The following TMEM120B variants were observed in gnomAD, a reference collection of about 807,000 sequenced individuals.
TMEM120B encodes transmembrane protein 120B.
A neutral mutation model predicts 55.5 loss-of-function variants in TMEM120B; 31 were observed. That is an observed-to-expected ratio of 0.56 (90% confidence interval 0.42 to 0.75). TMEM120B has a LOEUF of 0.75. Among genes scored for constraint, TMEM120B ranks in the 30% least tolerant of loss-of-function variants. TMEM120B has a pLI of 0.00. For missense variants in TMEM120B, 399 were observed against 425.5 expected, an observed-to-expected ratio of 0.94 and a Z score of 0.55; for synonymous variants, 203 against 176.3, an observed-to-expected ratio of 1.15 and a Z score of -1.20.
intron 6 of TMEM120B, 73 bp downstream of exon 6, chr12:121,761,811 G>A (rs774494218): frequency 4.2e-6 from 5 of 1,203,374 alleles, no homozygotes; most frequent in Non-Finnish European, 6.2e-6. Context: ...CGTCAGATGG[G>A]GGCCGACACC....
At chr12:121,750,715 C>G (rs1873261085) in intron 4 of TMEM120B, among the ~76,000 whole-genome samples, 1 of 143,942 alleles carries the variant, frequency 6.9e-6, no homozygotes, top group Non-Finnish European at 1.5e-5. Flanking sequence ...GCCAACACCC[C>G]ACCCACACCC....
chr12:121,716,716 C>T (rs1185329855), intron 1 of TMEM120B, among the ~76,000 whole-genome samples: 1 of 151,892 alleles, frequency 6.6e-6, no homozygotes, highest in Admixed American at 6.6e-5. Context: ...GCACCCGCCA[C>T]CGTGCCCGGC....
rs1895065720 is a variant in TMEM120B at position 121,734,408 on chromosome 12, A to G, written c.70-9221A>G. Reference sequence around the variant, plus strand: ...TGAGTAGCTGGCATTACAGGCATGAACCACCATGCCTGGCTAATTTTGTAC... The same window carrying G: ...TGAGTAGCTGGCATTACAGGCATGAGCCACCATGCCTGGCTAATTTTGTAC... On this transcript the variant is annotated intron_variant, in intron 1 of 11. Transcript: ENST00000449592. Among the ~76,000 whole-genome samples, 5 of 151,646 alleles carry G rather than the reference A, an allele frequency of 3.3e-5. No individual in the cohort carries two copies. The South Asian group carries it at 1.0e-3, about 32-fold the overall frequency.
chr12:121,730,308 G>T lies in TMEM120B; in HGVS notation c.70-13321G>T, dbSNP rs376118043. 3.0e-4 allele frequency among the ~76,000 whole-genome samples: 45 copies of T among 150,790 alleles called. 1 individual carries two copies. In the South Asian group the frequency reaches 9.2e-3, roughly 31 times the overall value. On this transcript the variant is annotated intron_variant, in intron 1 of 11. Transcript: ENST00000449592. ...CTGATACATGCCATGATACAGGTGA[G>T]CCTGGAGCACATTATGCTAAGTGAT...
rs1874443924 is a variant in TMEM120B, at chr12:121,781,204, G to A, written c.*5482G>A. The A allele has an allele frequency of 6.2e-7, 1 of 1,612,404 alleles. No individual in the cohort carries two copies. Among genetic ancestry groups the A allele is most frequent in the African/African-American group, 1.3e-5 (1 of 74,910 alleles). On this transcript the variant is annotated 3_prime_UTR_variant, in exon 12 of 12. Transcript: ENST00000449592. ...ATAGTCTTCTTGCCCTGAAAGCACA[G>A]AGCAGCGGGGGTCAGGGGACGTCCC...
At chr12:121,749,918 A>C (rs77538769) in intron 3 of TMEM120B, among the ~76,000 whole-genome samples, 13,021 of 151,356 alleles carry the variant, frequency 0.086, 1,037 homozygotes, top group African/African-American at 0.2. Context: ...AAAAAAAAAA[A>C]AACAAAAAAC....
At chr12:121,728,036 C>T (rs929088895) in intron 1 of TMEM120B, among the ~76,000 whole-genome samples, 3 of 151,856 alleles carry the variant, frequency 2.0e-5, no homozygotes, top group Admixed American at 1.3e-4. Context: ...AAGACAGAGT[C>T]TCACTCTGTC....
At chr12:121,723,405 G>A (rs1458145675) in intron 1 of TMEM120B, among the ~76,000 whole-genome samples, 1 of 152,132 alleles carries the variant, frequency 6.6e-6, no homozygotes, top group Non-Finnish European at 1.5e-5. Context: ...TTTAATGGCT[G>A]GAGCTGGCCA....
intron 5 of TMEM120B, among the ~76,000 whole-genome samples, chr12:121,761,205 C>G (rs1260502221): frequency 2.6e-5 from 4 of 152,158 alleles, no homozygotes. Flanking sequence ...TCTCGAACTC[C>G]TGGCCTCAAG....
At chr12:121,771,014 T>C in intron 7 of TMEM120B, 42 bp downstream of exon 7, 1 of 1,604,016 alleles carries the variant, frequency 6.2e-7, no homozygotes. Flanking sequence ...TCCCAGGGAG[T>C]AGAGCCTGGG....
intron 2 of TMEM120B, among the ~76,000 whole-genome samples, chr12:121,746,819 G>A (rs1266409496): frequency 4.6e-5 from 7 of 151,980 alleles, no homozygotes; most frequent in African/African-American, 9.7e-5. Flanking sequence ...TTAGCTGGGC[G>A]TGGTGGCAGG....
At chr12:121,723,788 G>A (rs757670348) in intron 1 of TMEM120B, among the ~76,000 whole-genome samples, 20 of 152,116 alleles carry the variant, frequency 1.3e-4, no homozygotes, top group Non-Finnish European at 2.6e-4. Context: ...ATTCAACTCT[G>A]TGTGTACTAT....
chr12:121,779,247 C>T lies in TMEM120B; in HGVS notation c.*3525C>T. 1 of 542,390 alleles carries T rather than the reference C, an allele frequency of 1.8e-6. No homozygotes were observed. Among genetic ancestry groups the T allele is most frequent in the Non-Finnish European group, 3.3e-6 (1 of 300,802 alleles). The allele number at this position is 542,390 out of a possible 1,614,324, so 33.6% of individuals were successfully genotyped here. ...GGTGGGGGTGGCTGTGATGAGGGCACTTGCGAGTCCCGACAACAGACACTG... is the reference window on the plus strand; with the variant it reads ...GGTGGGGGTGGCTGTGATGAGGGCATTTGCGAGTCCCGACAACAGACACTG... On this transcript the variant is annotated 3_prime_UTR_variant, in exon 12 of 12. Coordinates refer to ENST00000449592, the MANE Select transcript of TMEM120B (RefSeq NM_001080825.2).
At position 121,775,523 on chromosome 12, in the gene TMEM120B, G is replaced by C; in HGVS notation, c.907-86G>C. The C allele has an allele frequency of 3.3e-6, 5 of 1,514,380 alleles. No individual in the cohort carries two copies. Among genetic ancestry groups the C allele is most frequent in the Non-Finnish European group, 3.5e-6 (4 of 1,134,980 alleles). The allele number at this position is 1,514,380 out of a possible 1,614,324, so 93.8% of individuals were successfully genotyped here. A position where few individuals can be genotyped will look rare whatever the true frequency, so the allele number is the denominator to read the frequency against. ...CCTGCAGTTTGGGAGTTTGGGGGCAGCTGTGCTGGAGATTCTGGGGTGCTG... is the reference window on the plus strand; with the variant it reads ...CCTGCAGTTTGGGAGTTTGGGGGCACCTGTGCTGGAGATTCTGGGGTGCTG... On this transcript the variant is annotated intron_variant, in intron 11 of 11. Transcript: ENST00000449592. The surrounding 1 kb of genome is among the most constrained non-coding windows in gnomAD (Gnocchi z 4.3).
rs986208814 is a variant in TMEM120B at position 121,775,218 on chromosome 12, G to A, written c.906+88G>A. ...GTGTATGTGTGGCATGCTGGGGTGC[G>A]GATTCCTGGGGAGGGCTGGGATGGC... On this transcript the variant is annotated intron_variant, in intron 11 of 11. Transcript: ENST00000449592. This position sits in a 1 kb window ranked among gnomAD's most constrained non-coding sequence, Gnocchi z 4.3. The A allele has an allele frequency of 4.0e-5, 52 of 1,294,996 alleles. No homozygotes were observed. Among genetic ancestry groups the A allele is most frequent in the South Asian group, 6.6e-5 (5 of 75,774 alleles). 80.2% of individuals were successfully genotyped at this position (1,294,996 alleles called of 1,614,324 possible). A position where few individuals can be genotyped will look rare whatever the true frequency, so the allele number is the denominator to read the frequency against.
At chr12:121,757,627 C>T (rs1317596510) in intron 5 of TMEM120B, among the ~76,000 whole-genome samples, 2 of 152,154 alleles carry the variant, frequency 1.3e-5, no homozygotes, top group Non-Finnish European at 2.9e-5. Context: ...TGCCATTCTC[C>T]TGCCTCAGCC....
At chr12:121,738,431 C>T (rs1872818305) in intron 1 of TMEM120B, among the ~76,000 whole-genome samples, 2 of 152,170 alleles carry the variant, frequency 1.3e-5, no homozygotes, top group South Asian at 2.1e-4. Context: ...GGACCCAGCA[C>T]CAAAGGCCAC....
chr12:121,754,112 C>T (rs562831905), intron 5 of TMEM120B, among the ~76,000 whole-genome samples: 3 of 152,352 alleles, frequency 2.0e-5, no homozygotes, highest in South Asian at 2.1e-4. Flanking sequence ...GCTGGGCATC[C>T]GGCTGCTGGT....
At chr12:121,760,950 G>T (rs999513249) in intron 5 of TMEM120B, among the ~76,000 whole-genome samples, 6 of 152,014 alleles carry the variant, frequency 3.9e-5, no homozygotes, top group African/African-American at 1.4e-4. Flanking sequence ...AACACTGCAG[G>T]CAACCTTAAA....
Sources: gnomAD v4.1 joint callset for allele counts (sites outside exome capture counted in the v4.1 genomes callset) on GRCh38, gnomAD v4.1.1 for gene constraint, Gnocchi (gnomAD v3.1) non-coding constraint, MANE v1.5 for transcripts, NCBI Gene and HGNC (gene_info 2026-07-23, HGNC 2026-07-21) for gene names.